The following RBFOX1 variants were observed in gnomAD, a reference collection of about 807,000 sequenced individuals.
The protein encoded by RBFOX1 is RNA binding protein fox-1 homolog 1.
In RBFOX1, 8 loss-of-function variants were observed where a neutral mutation model predicts 57.7. That is an observed-to-expected ratio of 0.14 (90% confidence interval 0.08 to 0.25). RBFOX1 has a LOEUF of 0.25. Ranked by LOEUF, RBFOX1 falls within the 10% of genes least tolerant of loss-of-function variation. RBFOX1 has a pLI of 1.00. For synonymous variants in RBFOX1, 326 were observed against 222.4 expected (o/e 1.47, Z -4.15); for missense variants, 611 against 548.5 (o/e 1.11, Z -1.14).
chr16:6,346,573 T>G (rs901236682), intron 2 of RBFOX1, among the ~76,000 whole-genome samples: 6 of 152,244 alleles, frequency 3.9e-5, no homozygotes, highest in African/African-American at 1.4e-4. Flanking sequence ...GCTGACTGCC[T>G]GTGTTGAGGA....
chr16:5,362,780 G>T (rs2151343688), intron 1 of RBFOX1, among the ~76,000 whole-genome samples: 1 of 152,232 alleles, frequency 6.6e-6, no homozygotes, highest in Middle Eastern at 3.4e-3. Context: ...CATCCTGTAA[G>T]TGGAATCATA....
At chr16:5,823,607 C>G (rs1416062529) in intron 3 of RBFOX1, among the ~76,000 whole-genome samples, 1 of 152,132 alleles carries the variant, frequency 6.6e-6, no homozygotes, top group Non-Finnish European at 1.5e-5. Context: ...TTTACAGCCA[C>G]TCCCCATCAC....
At chr16:5,890,943 C>A (rs1379259617) in intron 4 of RBFOX1, among the ~76,000 whole-genome samples, 1 of 152,138 alleles carries the variant, frequency 6.6e-6, no homozygotes, top group Admixed American at 6.6e-5. Flanking sequence ...TCAGTTGCTT[C>A]ATCCGCCTGG....
chr16:6,236,632 G>A (rs1053112042), intron 1 of RBFOX1, among the ~76,000 whole-genome samples: 3 of 151,904 alleles, frequency 2.0e-5, no homozygotes, highest in Admixed American at 6.6e-5. Flanking sequence ...TGTATTTTTA[G>A]TAGAGGTGGG....
chr16:6,609,977 C>T (rs1485887819), intron 2 of RBFOX1, among the ~76,000 whole-genome samples: 1 of 151,538 alleles, frequency 6.6e-6, no homozygotes, highest in African/African-American at 2.4e-5. Context: ...CATTGCACTC[C>T]AGGCCTGGCA....
chr16:7,541,917 A>G (rs1337959010), intron 5 of RBFOX1, among the ~76,000 whole-genome samples: 4 of 152,236 alleles, frequency 2.6e-5, no homozygotes, highest in Admixed American at 2.6e-4. Flanking sequence ...GTCTTGGGTG[A>G]GCAGATGCCA....
intron 2 of RBFOX1, among the ~76,000 whole-genome samples, chr16:6,422,883 G>C (rs1012976834): frequency 6.6e-6 from 1 of 152,154 alleles, no homozygotes; most frequent in South Asian, 2.1e-4. Context: ...CAAATGCTTA[G>C]CTCCTACTTA....
intron 1 of RBFOX1, among the ~76,000 whole-genome samples, chr16:6,269,149 C>G (rs762154058): frequency 6.6e-6 from 1 of 152,160 alleles, no homozygotes; most frequent in Non-Finnish European, 1.5e-5. Flanking sequence ...TGACAGATTT[C>G]TCTTCTCTGC....
At chr16:6,450,723 G>T (rs2094570766) in intron 2 of RBFOX1, among the ~76,000 whole-genome samples, 1 of 123,488 alleles carries the variant, frequency 8.1e-6, no homozygotes, top group African/African-American at 3.0e-5. Flanking sequence ...ACCTGTGGTG[G>T]TGGCAGGGGA....
intron 1 of RBFOX1, among the ~76,000 whole-genome samples, chr16:6,212,923 A>G (rs1334477421): frequency 1.3e-5 from 2 of 152,200 alleles, no homozygotes; most frequent in Non-Finnish European, 2.9e-5. Context: ...CCACCTACTT[A>G]GAATAGTCGT....
chr16:6,010,703 G>A (rs535383900), intron 4 of RBFOX1, among the ~76,000 whole-genome samples: 1 of 152,340 alleles, frequency 6.6e-6, no homozygotes, highest in South Asian at 2.1e-4. Flanking sequence ...CTTCATGGAA[G>A]GGAGTTCAGT....
chr16:6,687,344 C>G (rs148414045), intron 3 of RBFOX1, among the ~76,000 whole-genome samples: 444 of 152,216 alleles, frequency 2.9e-3, no homozygotes, highest in African/African-American at 9.6e-3. Flanking sequence ...ACAATGTACA[C>G]TACTTGCGTG....
At chr16:6,106,442 G>A (rs1450906064) in intron 1 of RBFOX1, among the ~76,000 whole-genome samples, 1 of 105,340 alleles carries the variant, frequency 9.5e-6, no homozygotes. Context: ...CTCCAGCCTG[G>A]GCAAAAAGAG....
At chr16:6,675,921 TG>T (rs34403886) in intron 3 of RBFOX1, among the ~76,000 whole-genome samples, 21,975 of 152,060 alleles carry the variant, frequency 0.14, 1,748 homozygotes, top group Middle Eastern at 0.19. Flanking sequence ...ATGTGGTATT[TG>T]TCCAGGCCTG....
intron 4 of RBFOX1, among the ~76,000 whole-genome samples, chr16:7,175,626 A>C (rs928636874): frequency 6.6e-6 from 1 of 152,162 alleles, no homozygotes; most frequent in African/African-American, 2.4e-5. Context: ...TGGATCCATT[A>C]TCTCACCCCA....
intron 4 of RBFOX1, among the ~76,000 whole-genome samples, chr16:5,881,730 T>C (rs1414363386): frequency 2.0e-5 from 3 of 152,144 alleles, no homozygotes; most frequent in African/African-American, 7.2e-5. Context: ...AGGCTAAAAT[T>C]TTCCCCCCAA....
At position 5,947,367 on chromosome 16, in the gene RBFOX1, A is replaced by G. The variant is rs1435441721; in HGVS notation, c.351+80032A>G. ...CATGTGTTCTACATTGCAATGACAG[A>G]TTTTTGTTCTGTTTTGTTTTCAGAC... On this transcript the variant is annotated intron_variant, in intron 4 of 19. Transcript: ENST00000641259. This position sits in a 1 kb window ranked among gnomAD's most constrained non-coding sequence, Gnocchi z 7.2. Among the ~76,000 whole-genome samples, 1 of 152,072 alleles carries G rather than the reference A, an allele frequency of 6.6e-6. No individual in the cohort carries two copies. Among genetic ancestry groups the G allele is most frequent in the Non-Finnish European group, 1.5e-5 (1 of 68,000 alleles).
At chr16:7,656,424 C>G (rs1006337039) in intron 12 of RBFOX1, among the ~76,000 whole-genome samples, 1 of 145,380 alleles carries the variant, frequency 6.9e-6, no homozygotes, top group African/African-American at 2.5e-5. Flanking sequence ...AGAGTGGGAC[C>G]CAGGGCAGGA....
chr16:7,029,848 T>G, intron 3 of RBFOX1, among the ~76,000 whole-genome samples: 1 of 152,156 alleles, frequency 6.6e-6, no homozygotes, highest in Non-Finnish European at 1.5e-5. Context: ...GATGAAAGAA[T>G]GATAACTTGA....
Sources: gnomAD v4.1 joint callset for allele counts (sites outside exome capture counted in the v4.1 genomes callset) on GRCh38, gnomAD v4.1.1 for gene constraint, Gnocchi (gnomAD v3.1) non-coding constraint, MANE v1.5 for transcripts, NCBI Gene and HGNC (gene_info 2026-07-23, HGNC 2026-07-21) for gene names.